MDGA2: variants seen among roughly 807,000 people sequenced by gnomAD.
The protein encoded by MDGA2 is MAM domain-containing glycosylphosphatidylinositol anchor protein 2.
Under a neutral mutation model 117.8 loss-of-function variants are expected in MDGA2, and 40 were observed. The ratio of observed to expected loss-of-function variants is 0.34; its 90% confidence interval spans 0.26 to 0.44. The LOEUF (loss-of-function observed/expected upper bound fraction) is 0.44. Among genes scored for constraint, MDGA2 ranks in the 20% least tolerant of loss-of-function variants. The probability of loss-of-function intolerance (pLI) is 1.00; values close to 1 mark genes in which losing one functional copy is unlikely to be tolerated. For missense variants in MDGA2, 1,123 were observed against 1,250.6 expected, an observed-to-expected ratio of 0.90 and a Z score of 1.54; for synonymous variants, 452 against 439.0, an observed-to-expected ratio of 1.03 and a Z score of -0.37.
chr14:47,357,608 A>G (rs1001478531), intron 1 of MDGA2, among the ~76,000 whole-genome samples: 3 of 152,200 alleles, frequency 2.0e-5, no homozygotes, highest in Non-Finnish European at 4.4e-5. Context: ...CTCAAGCAAC[A>G]AGGTTTGCAA....
chr14:46,959,501 T>A (rs905348640), intron 8 of MDGA2, among the ~76,000 whole-genome samples: 2 of 151,920 alleles, frequency 1.3e-5, no homozygotes, highest in Non-Finnish European at 2.9e-5. Flanking sequence ...TATGCTTTAT[T>A]TTTTAGGATT....
intron 1 of MDGA2, among the ~76,000 whole-genome samples, chr14:47,344,679 T>G (rs1043261375): frequency 6.6e-6 from 1 of 152,086 alleles, no homozygotes; most frequent in African/African-American, 2.4e-5. Context: ...GTGGATAGAA[T>G]ATTAATATTT....
intron 1 of MDGA2, among the ~76,000 whole-genome samples, chr14:47,332,694 G>A (rs1250000130): frequency 1.3e-5 from 2 of 151,912 alleles, no homozygotes; most frequent in Non-Finnish European, 2.9e-5. Context: ...GGGTACAAGT[G>A]CAGTTTTGTT....
chr14:46,941,152 A>G (rs145254862), intron 9 of MDGA2, among the ~76,000 whole-genome samples: 101 of 152,334 alleles, frequency 6.6e-4, no homozygotes, highest in African/African-American at 2.4e-3. Flanking sequence ...ACTGCAAAGC[A>G]GGTATCTATC....
intron 1 of MDGA2, among the ~76,000 whole-genome samples, chr14:47,339,502 T>A (rs560322270): frequency 2.2e-4 from 34 of 152,188 alleles, no homozygotes; most frequent in African/African-American, 7.2e-4. Context: ...CATGAATGGC[T>A]TAGTGTCTTC....
In MDGA2 at chr14:47,657,540, T is replaced by A. The variant is rs191442915; in HGVS notation, c.280+16977A>T. Among the ~76,000 whole-genome samples, 13 of 152,312 alleles carry A rather than the reference T, an allele frequency of 8.5e-5. 1 individual carries two copies. Among genetic ancestry groups the A allele is most frequent in the African/African-American group, 2.6e-4 (11 of 41,580 alleles). ...ATTCCTCAAGGAAACTAACTAGGCA[T>A]TTGGTAGAAATTGAGTACAATGGAC... On this transcript the variant is annotated intron_variant, in intron 1 of 16. Transcript: ENST00000399232.
At chr14:46,888,769 A>C (rs957040073) in intron 10 of MDGA2, among the ~76,000 whole-genome samples, 1 of 151,818 alleles carries the variant, frequency 6.6e-6, no homozygotes, top group African/African-American at 2.4e-5. Flanking sequence ...GCTCCATTGA[A>C]AAGTACCAGG....
At chr14:47,183,944 C>T (rs1220292145) in intron 3 of MDGA2, among the ~76,000 whole-genome samples, 1 of 152,122 alleles carries the variant, frequency 6.6e-6, no homozygotes, top group South Asian at 2.1e-4. Flanking sequence ...GAGGTCTCAA[C>T]TTAGACATCA....
At chr14:47,665,655 T>TG (rs896338054) in intron 1 of MDGA2, among the ~76,000 whole-genome samples, 1 of 152,070 alleles carries the variant, frequency 6.6e-6, no homozygotes, top group Non-Finnish European at 1.5e-5. Context: ...CCCTGAGCAA[T>TG]GGGGGGCTTA....
intron 1 of MDGA2, among the ~76,000 whole-genome samples, chr14:47,500,344 C>G (rs1314793045): frequency 6.6e-6 from 1 of 151,900 alleles, no homozygotes; most frequent in African/African-American, 2.4e-5. Flanking sequence ...GGGGTCTTCT[C>G]TATACATTGG....
intron 8 of MDGA2, among the ~76,000 whole-genome samples, chr14:47,033,302 A>C (rs573131624): frequency 2.0e-5 from 3 of 148,236 alleles, no homozygotes; most frequent in Non-Finnish European, 4.5e-5. Context: ...AGTTCGCTAA[A>C]GCCATTTGGG....
At chr14:46,987,801 A>C (rs1308217390) in intron 8 of MDGA2, among the ~76,000 whole-genome samples, 1 of 151,918 alleles carries the variant, frequency 6.6e-6, no homozygotes, top group Non-Finnish European at 1.5e-5. Context: ...AGTTAATTCA[A>C]AATATAATAA....
At chr14:47,456,523 G>T (rs1313912886) in intron 1 of MDGA2, among the ~76,000 whole-genome samples, 1 of 150,558 alleles carries the variant, frequency 6.6e-6, no homozygotes, top group Admixed American at 6.6e-5. Flanking sequence ...GGCTGGTATC[G>T]AACTCCCAAC....
intron 2 of MDGA2, among the ~76,000 whole-genome samples, chr14:47,259,637 C>G (rs1366656259): frequency 6.6e-6 from 1 of 151,988 alleles, no homozygotes; most frequent in Non-Finnish European, 1.5e-5. Flanking sequence ...CATTGGTACA[C>G]ATGTAGCACT....
At chr14:46,934,831 T>A (rs55666652) in intron 9 of MDGA2, among the ~76,000 whole-genome samples, 5,377 of 152,210 alleles carry the variant, frequency 0.035, 321 homozygotes, top group African/African-American at 0.12. Flanking sequence ...ACACGGTGTA[T>A]GTCAATTGTC....
chr14:47,061,329 C>A lies in MDGA2; in HGVS notation c.1445G>T (p.Gly482Val). 6.2e-7 allele frequency: 1 copy of A among 1,613,464 alleles called. No individual in the cohort carries two copies. Among genetic ancestry groups the A allele is most frequent in the Non-Finnish European group, 8.5e-7 (1 of 1,179,602 alleles). Residue 482 changes from glycine to valine, a missense_variant, in exon 7 of 17, where the codon GGG becomes GTG. Physicochemically the swap from Gly to Val is moderately radical, Grantham distance 109. Around this residue, in one of 2 missense-constraint regions of MDGA2, gnomAD observed 890 missense variants for 1,050.3 expected, o/e 0.85. Transcript: ENST00000399232. ...DIIDLKFTDF[G>V]TYTCVASLKG... ...CAGAGATGCTACACATGTGTACGTC[C>A]CAAAATCCGTGAATTTTAAATCAAT...
chr14:47,522,333 G>GTGTGTATATA (rs1198294033), intron 1 of MDGA2, among the ~76,000 whole-genome samples: 1 of 107,234 alleles, frequency 9.3e-6, no homozygotes, highest in African/African-American at 3.6e-5. Context: ...ATTTGTGTAT[G>GTGTGTATATA]TGTGTATATA....
intron 1 of MDGA2, among the ~76,000 whole-genome samples, chr14:47,458,256 T>G (rs1893404976): frequency 6.6e-6 from 1 of 152,226 alleles, no homozygotes; most frequent in African/African-American, 2.4e-5. Flanking sequence ...GTTGGTTGTA[T>G]CCCTTGCTGA....
intron 7 of MDGA2, among the ~76,000 whole-genome samples, chr14:47,059,718 C>T (rs1334964187): frequency 6.6e-6 from 1 of 151,982 alleles, no homozygotes; most frequent in Non-Finnish European, 1.5e-5. Context: ...TTCTTTGGAT[C>T]TGAGCTTTGT....
Sources: allele counts gnomAD v4.1 joint callset (sites outside exome capture counted in the v4.1 genomes callset), GRCh38; gene constraint gnomAD v4.1.1; regional missense constraint gnomAD v4.1.1; transcripts MANE v1.5; gene names NCBI Gene and HGNC (gene_info 2026-07-23, HGNC 2026-07-21).